TMEM170B: variants seen among roughly 807,000 people sequenced by gnomAD.
TMEM170B encodes the protein transmembrane protein 170B.
TMEM170B carries 6 observed loss-of-function variants against 13.0 expected under a neutral mutation model. The ratio of observed to expected loss-of-function variants is 0.46; its 90% confidence interval spans 0.25 to 0.91. TMEM170B has a LOEUF of 0.91. Among genes scored for constraint, TMEM170B ranks in the 40% least tolerant of loss-of-function variants. The pLI, the probability that TMEM170B is intolerant of heterozygous loss-of-function variation, is 0.17. For synonymous variants in TMEM170B, 61 were observed against 64.9 expected (o/e 0.94, Z 0.29); for missense variants, 138 against 165.2 (o/e 0.84, Z 0.90).
intron 2 of TMEM170B, among the ~76,000 whole-genome samples, chr6:11,568,704 A>T (rs1759764485): frequency 6.6e-6 from 1 of 152,180 alleles, no homozygotes; most frequent in African/African-American, 2.4e-5. Context: ...CTGACCTGCA[A>T]ACAGGTGAAT....
intron 1 of TMEM170B, among the ~76,000 whole-genome samples, chr6:11,547,327 T>G (rs891329440): frequency 2.6e-5 from 4 of 152,192 alleles, no homozygotes; most frequent in African/African-American, 9.6e-5. Flanking sequence ...AAGGCATGCT[T>G]CTCTTGGGGT....
intron 1 of TMEM170B, among the ~76,000 whole-genome samples, chr6:11,563,228 TG>T (rs962046497): frequency 6.6e-6 from 1 of 152,046 alleles, no homozygotes; most frequent in African/African-American, 2.4e-5. Context: ...CCCAGCTACT[TG>T]GGAGGCTGAG....
chr6:11,565,442 G>A (rs1286764675), intron 1 of TMEM170B, among the ~76,000 whole-genome samples: 1 of 152,170 alleles, frequency 6.6e-6, no homozygotes, highest in Non-Finnish European at 1.5e-5. Context: ...AGAGTATAGT[G>A]TTAACCTTTT....
chr6:11,554,421 A>G (rs1759562890), intron 1 of TMEM170B, among the ~76,000 whole-genome samples: 1 of 152,038 alleles, frequency 6.6e-6, no homozygotes, highest in South Asian at 2.1e-4. Flanking sequence ...TTATCTGAGT[A>G]AAAATCACTG....
At chr6:11,553,259 T>G (rs920558364) in intron 1 of TMEM170B, among the ~76,000 whole-genome samples, 1 of 152,190 alleles carries the variant, frequency 6.6e-6, no homozygotes, top group East Asian at 1.9e-4. Context: ...AAAATCCACA[T>G]GTATGTTGGA....
rs1561907987 is a variant in TMEM170B at position 11,549,445 on chromosome 6, C to CAT, written c.97+11071_97+11072insAT. On this transcript the variant is annotated intron_variant, in intron 1 of 2. Transcript: ENST00000379426. ...TTGGGAGGCAGAGGTGGGTGGATCACGAGGTCAGGAGATCGAGACCATCCT... is the reference window on the plus strand; with the variant it reads ...TTGGGAGGCAGAGGTGGGTGGATCACATGAGGTCAGGAGATCGAGACCATCCT... 2.6e-5 allele frequency among the ~76,000 whole-genome samples: 4 copies of CAT among 152,094 alleles called. No individual in the cohort carries two copies. The East Asian group carries it at 7.8e-4, about 29-fold the overall frequency.
chr6:11,559,352 C>T (rs963709778), intron 1 of TMEM170B, among the ~76,000 whole-genome samples: 1 of 152,028 alleles, frequency 6.6e-6, no homozygotes, highest in African/African-American at 2.4e-5. Context: ...AATGCACAAC[C>T]ATGCCTGGCT....
chr6:11,552,990 G>A (rs1312210754), intron 1 of TMEM170B, among the ~76,000 whole-genome samples: 1 of 152,290 alleles, frequency 6.6e-6, no homozygotes, highest in South Asian at 2.1e-4. Context: ...TAGGACTTTA[G>A]AAATTCGCCA....
chr6:11,562,657 C>G (rs566989662), intron 1 of TMEM170B, among the ~76,000 whole-genome samples: 3 of 151,956 alleles, frequency 2.0e-5, no homozygotes, highest in African/African-American at 4.8e-5. Flanking sequence ...TACCCTTTAT[C>G]CAGTTTACCC....
chr6:11,574,562 A>G (rs1250115093), intron 2 of TMEM170B, among the ~76,000 whole-genome samples: 1 of 152,170 alleles, frequency 6.6e-6, no homozygotes, highest in African/African-American at 2.4e-5. Flanking sequence ...ATATATAGAC[A>G]GTTTTTCTAG....
At chr6:11,552,250 T>A (rs902730477) in intron 1 of TMEM170B, among the ~76,000 whole-genome samples, 1 of 152,228 alleles carries the variant, frequency 6.6e-6, no homozygotes, top group East Asian at 1.9e-4. Flanking sequence ...TTTGGACTTA[T>A]TAAAATTTCA....
intron 1 of TMEM170B, among the ~76,000 whole-genome samples, chr6:11,559,025 C>T (rs1759626060): frequency 6.6e-6 from 1 of 151,924 alleles, no homozygotes; most frequent in African/African-American, 2.4e-5. Flanking sequence ...CTTCATGGGC[C>T]ATATAATCTC....
chr6:11,550,535 A>C (rs531715827), intron 1 of TMEM170B, among the ~76,000 whole-genome samples: 3 of 151,752 alleles, frequency 2.0e-5, no homozygotes, highest in South Asian at 4.1e-4. Context: ...ATATAAAAAA[A>C]CGTATACCCA....
At chr6:11,545,350 T>C (rs1451980403) in intron 1 of TMEM170B, among the ~76,000 whole-genome samples, 3 of 150,860 alleles carry the variant, frequency 2.0e-5, no homozygotes, top group Non-Finnish European at 1.5e-5. Context: ...AGTAGTCCCG[T>C]TTATTCAAAG....
intron 2 of TMEM170B, among the ~76,000 whole-genome samples, chr6:11,573,757 G>A (rs1302278654): frequency 1.3e-5 from 2 of 152,020 alleles, no homozygotes; most frequent in African/African-American, 2.4e-5. Context: ...GCTAAAATGT[G>A]GTTTTTAAAA....
At chr6:11,564,487 C>G (rs1012412543) in intron 1 of TMEM170B, among the ~76,000 whole-genome samples, 2 of 152,132 alleles carry the variant, frequency 1.3e-5, no homozygotes, top group African/African-American at 4.8e-5. Flanking sequence ...AGATGAGATA[C>G]TTTGTATTAT....
chr6:11,563,091 C>T (rs1000002795), intron 1 of TMEM170B, among the ~76,000 whole-genome samples: 3 of 152,172 alleles, frequency 2.0e-5, no homozygotes, highest in Non-Finnish European at 2.9e-5. Context: ...AATCCTAGCA[C>T]TTTGAGAGGC....
At chr6:11,566,851 A>C (rs1052167724) in intron 2 of TMEM170B, among the ~76,000 whole-genome samples, 1 of 152,206 alleles carries the variant, frequency 6.6e-6, no homozygotes, top group South Asian at 2.1e-4. Context: ...AGTTGTATTC[A>C]TGCTCATCTG....
intron 1 of TMEM170B, among the ~76,000 whole-genome samples, chr6:11,543,743 T>A (rs919003252): frequency 6.6e-6 from 1 of 152,198 alleles, no homozygotes; most frequent in African/African-American, 2.4e-5. Flanking sequence ...CAAATTTGCT[T>A]AATAGGCATT....
Sources: gnomAD v4.1 joint callset for allele counts (sites outside exome capture counted in the v4.1 genomes callset) on GRCh38, gnomAD v4.1.1 for gene constraint, MANE v1.5 for transcripts, NCBI Gene and HGNC (gene_info 2026-07-23, HGNC 2026-07-21) for gene names.